Variants in CANX observed in about 807,000 individuals in gnomAD.
The protein encoded by CANX is calnexin.
A neutral mutation model predicts 75.7 loss-of-function variants in CANX; 14 were observed. The observed-to-expected ratio is 0.19, with a 90% confidence interval of 0.12 to 0.29. CANX has a LOEUF of 0.29. Among genes scored for constraint, CANX ranks in the 10% least tolerant of loss-of-function variants. The pLI, the probability that CANX is intolerant of heterozygous loss-of-function variation, is 1.00. For missense variants in CANX, 567 were observed against 713.2 expected, an observed-to-expected ratio of 0.79 and a Z score of 2.34; for synonymous variants, 227 against 236.9, an observed-to-expected ratio of 0.96 and a Z score of 0.38.
At chr5:179,695,294 C>T (rs529280057), upstream of CANX, among the ~76,000 whole-genome samples, 2 of 151,906 alleles carry the variant, frequency 1.3e-5, no homozygotes, top group African/African-American at 2.4e-5. Flanking sequence ...CTCTTGACCT[C>T]GTGATCCACC....
chr5:179,688,521 G>A lies in CANX; in HGVS notation c.-4+9744G>A, dbSNP rs547348195. On this transcript the variant is annotated intron_variant, in intron 1 of 14. Coordinates refer to the CANX transcript ENST00000681674. The stretch of plus-strand genomic sequence containing the variant: ...TGGGAATATAGGTGCCCACCACCAC[G>A]CGCAGCTCATTTTTTGTATTTTTAG... Among the ~76,000 whole-genome samples the A allele has an allele frequency of 2.0e-5, 3 of 150,614 alleles. No individual in the cohort carries two copies. In the East Asian group the frequency reaches 6.0e-4, roughly 30 times the overall value.
At chr5:179,697,485 T>C (rs934515606), upstream of CANX, among the ~76,000 whole-genome samples, 22 of 152,208 alleles carry the variant, frequency 1.4e-4, no homozygotes, top group African/African-American at 5.1e-4. Context: ...GCTCTTTTGC[T>C]CACAAATGTA....
intron 1 of CANX, among the ~76,000 whole-genome samples, chr5:179,681,357 A>T (rs965332072): frequency 1.3e-5 from 2 of 152,214 alleles, no homozygotes; most frequent in Admixed American, 1.3e-4. Context: ...AGAGCGTGTC[A>T]TGGGTCAGGT....
At chr5:179,721,969 A>G (rs553907079) in intron 10 of CANX, among the ~76,000 whole-genome samples, 2 of 152,172 alleles carry the variant, frequency 1.3e-5, no homozygotes, top group South Asian at 4.1e-4. Flanking sequence ...CATAGTCGTT[A>G]AAGATGTTAT....
intron 10 of CANX, among the ~76,000 whole-genome samples, chr5:179,721,808 A>G (rs1342428452): frequency 1.3e-5 from 2 of 152,154 alleles, no homozygotes; most frequent in Non-Finnish European, 2.9e-5. Flanking sequence ...TTATTTATAT[A>G]CAAATACTAA....
At chr5:179,683,124 C>CATTT (rs200233525) in intron 1 of CANX, among the ~76,000 whole-genome samples, 39 of 151,472 alleles carry the variant, frequency 2.6e-4, no homozygotes, top group African/African-American at 7.5e-4. Context: ...AAATCAACTA[C>CATTT]ATTTATTTAT....
intron 7 of CANX, 46 bp downstream of exon 7, chr5:179,710,111 T>A (rs1562481832): frequency 8.9e-7 from 1 of 1,126,290 alleles, no homozygotes; most frequent in African/African-American, 1.6e-5. Flanking sequence ...TACATATATA[T>A]CATCCATTTA....
At chr5:179,686,290 G>T (rs531372329) in intron 1 of CANX, among the ~76,000 whole-genome samples, 1 of 151,456 alleles carries the variant, frequency 6.6e-6, no homozygotes, top group Admixed American at 6.6e-5. Flanking sequence ...TAGAGATGAG[G>T]TTTCACCATG....
chr5:179,716,537 C>G (rs1161136456), intron 8 of CANX, among the ~76,000 whole-genome samples: 1 of 152,240 alleles, frequency 6.6e-6, no homozygotes, highest in Non-Finnish European at 1.5e-5. Flanking sequence ...TGTGGTGACA[C>G]TGTTGGTTTG....
chr5:179,715,432 G>A (rs1396110296), intron 7 of CANX, among the ~76,000 whole-genome samples: 2 of 152,128 alleles, frequency 1.3e-5, no homozygotes, highest in South Asian at 2.1e-4. Context: ...CAGCTACTGC[G>A]GAGGCTGAGG....
chr5:179,712,053 A>G (rs962207087), intron 7 of CANX, among the ~76,000 whole-genome samples: 4 of 145,996 alleles, frequency 2.7e-5, no homozygotes, highest in African/African-American at 1.0e-4. Context: ...AGCCAAGGTC[A>G]TGCCATTGCA....
chr5:179,701,940 C>CTG (rs2113104868), intron 1 of CANX, among the ~76,000 whole-genome samples: 2 of 151,844 alleles, frequency 1.3e-5, no homozygotes, highest in East Asian at 3.9e-4. Context: ...GGGGTTTCAC[C>CTG]GGGTTGTCCA....
intron 1 of CANX, chr5:179,701,051 A>G (rs1776717103): frequency 6.6e-6 from 1 of 151,954 alleles, no homozygotes; most frequent in Non-Finnish European, 1.5e-5. Flanking sequence ...TATTTTTAGT[A>G]GAGACGGGGT....
rs14539 is a variant in CANX, at chr5:179,729,192, G to A, written c.*548G>A. The A allele has an allele frequency of 1.2e-5, 2 of 163,354 alleles. No homozygotes were observed. The highest frequency in any genetic ancestry group is 4.8e-5 in the African/African-American group (2 of 41,434). 10.1% of individuals were successfully genotyped at this position (163,354 alleles called of 1,614,324 possible). ...CTTCCATTATTGAGTTCCTCCTAAG[G>A]AAATTGAGGAGAGGGACTGAATAGA... is the stretch of plus-strand genomic sequence containing the variant. On this transcript the variant is annotated 3_prime_UTR_variant, in exon 15 of 15. Transcript: ENST00000247461.
intron 1 of CANX, chr5:179,679,117 A>G (rs1775982407): frequency 6.5e-7 from 1 of 1,535,696 alleles, no homozygotes; most frequent in Non-Finnish European, 8.7e-7. Context: ...CATGGCTCGT[A>G]GCCGAGCACT....
chr5:179,679,149 C>G (rs1256010548), intron 1 of CANX: 1 of 1,535,546 alleles, frequency 6.5e-7, no homozygotes, highest in South Asian at 1.2e-5. Flanking sequence ...AGGGCGTGGA[C>G]CTTGTAGGGC....
At chr5:179,725,680 CAAAAAAAAAAAA>C (rs765657918) in intron 13 of CANX, among the ~76,000 whole-genome samples, 1 of 42,326 alleles carries the variant, frequency 2.4e-5, no homozygotes, top group African/African-American at 9.9e-5. Flanking sequence ...GACTCTGTCT[CAAAAAAAAAAAA>C]AAAAAAAAAA....
intron 5 of CANX, 67 bp downstream of exon 5, chr5:179,708,447 TTTACTC>T: frequency 7.0e-6 from 10 of 1,422,042 alleles, no homozygotes; most frequent in Non-Finnish European, 8.7e-6. Context: ...TTATGTAACT[TTTACTC>T]TATGTTAAAA....
At chr5:179,717,754 C>T (rs1434107672) in intron 8 of CANX, among the ~76,000 whole-genome samples, 8 of 150,802 alleles carry the variant, frequency 5.3e-5, no homozygotes, top group African/African-American at 1.7e-4. Flanking sequence ...GTAGCTCTGT[C>T]GCCCAGGCTG....
Sources: gnomAD v4.1 joint callset for allele counts (sites outside exome capture counted in the v4.1 genomes callset) on GRCh38, gnomAD v4.1.1 for gene constraint, MANE v1.5 for transcripts, NCBI Gene and HGNC (gene_info 2026-07-23, HGNC 2026-07-21) for gene names.